The following COL19A1 variants were observed in gnomAD, a reference collection of about 807,000 sequenced individuals.
The protein encoded by COL19A1 is collagen alpha-1(XIX) chain.
COL19A1 carries 159 observed loss-of-function variants against 190.2 expected under a neutral mutation model. The ratio of observed to expected loss-of-function variants is 0.84; its 90% CI spans 0.73 to 0.95. The LOEUF is 0.95. COL19A1 is among the 40% of genes least tolerant of loss of function. COL19A1 has a pLI of 0.00. For missense variants in COL19A1, 1,418 were observed against 1,431.9 expected, an observed-to-expected ratio of 0.99 and a Z score of 0.16; for synonymous variants, 509 against 458.9, an observed-to-expected ratio of 1.11 and a Z score of -1.39.
chr6:70,121,027 G>T (rs956371337), intron 16 of COL19A1, among the ~76,000 whole-genome samples: 2 of 152,064 alleles, frequency 1.3e-5, no homozygotes, highest in Non-Finnish European at 2.9e-5. Context: ...TATCTTATAA[G>T]GTAACATGTT....
intron 34 of COL19A1, among the ~76,000 whole-genome samples, chr6:70,157,358 T>C (rs919090807): frequency 6.6e-6 from 1 of 152,136 alleles, no homozygotes; most frequent in Non-Finnish European, 1.5e-5. Flanking sequence ...CAGGACATCA[T>C]TTTTTTCTTA....
At chr6:70,068,074 A>G (rs567432570) in intron 14 of COL19A1, among the ~76,000 whole-genome samples, 6 of 152,162 alleles carry the variant, frequency 3.9e-5, no homozygotes, top group Middle Eastern at 3.4e-3. Flanking sequence ...TAGAGTTTAA[A>G]TGTATAAAGA....
intron 4 of COL19A1, among the ~76,000 whole-genome samples, chr6:69,920,562 A>G (rs1434275039): frequency 6.6e-6 from 1 of 152,138 alleles, no homozygotes. Context: ...TTCCCTTGAC[A>G]TGCCTGGAGC....
chr6:70,094,356 T>A (rs1224302029), intron 15 of COL19A1, among the ~76,000 whole-genome samples: 2 of 152,212 alleles, frequency 1.3e-5, no homozygotes, highest in Non-Finnish European at 2.9e-5. Flanking sequence ...TCCTAACATT[T>A]CCTTAATACC....
At chr6:70,126,865 A>G (rs542486409) in intron 17 of COL19A1, among the ~76,000 whole-genome samples, 2 of 152,344 alleles carry the variant, frequency 1.3e-5, no homozygotes, top group African/African-American at 2.4e-5. Context: ...ACTTCAAACT[A>G]TAGCAATAGT....
intron 16 of COL19A1, among the ~76,000 whole-genome samples, chr6:70,119,303 G>A (rs1784749810): frequency 1.3e-5 from 2 of 152,184 alleles, no homozygotes; most frequent in African/African-American, 4.8e-5. Flanking sequence ...GAACATAGAT[G>A]GGAGATACAA....
intron 46 of COL19A1, among the ~76,000 whole-genome samples, chr6:70,185,384 T>C (rs537939723): frequency 2.4e-3 from 362 of 152,228 alleles, no homozygotes; most frequent in Non-Finnish European, 4.2e-3. Flanking sequence ...CAACCAAAAG[T>C]GTCTCCAGAC....
chr6:69,920,896 A>C (rs999849848), intron 4 of COL19A1, among the ~76,000 whole-genome samples: 1 of 139,288 alleles, frequency 7.2e-6, no homozygotes, highest in Non-Finnish European at 1.6e-5. Context: ...ATTTCTAGTC[A>C]TATATATATA....
At chr6:70,136,443 C>T (rs990448433) in intron 18 of COL19A1, among the ~76,000 whole-genome samples, 4 of 152,084 alleles carry the variant, frequency 2.6e-5, no homozygotes, top group African/African-American at 9.7e-5. Context: ...TAGAATGCTA[C>T]TCATCTGTTA....
intron 4 of COL19A1, among the ~76,000 whole-genome samples, chr6:69,910,919 A>G (rs1770870578): frequency 6.6e-6 from 1 of 152,190 alleles, no homozygotes; most frequent in Admixed American, 6.5e-5. Context: ...GTGGTTGCAA[A>G]TGCGTTGATT....
chr6:70,150,064 T>C lies in COL19A1; in HGVS notation c.2037+19T>C. ...TGACCCGGTATGTAGACAAACCTTG[T>C]CTGATTTATGTATCTTAAATGCACC... is the stretch of plus-strand genomic sequence containing the variant. On this transcript the variant is annotated intron_variant, in intron 30 of 50. Transcript: ENST00000620364. 1 of 1,613,112 alleles carries C rather than the reference T, an allele frequency of 6.2e-7. No individual in the cohort carries two copies. Among genetic ancestry groups the C allele is most frequent in the Non-Finnish European group, 8.5e-7 (1 of 1,179,636 alleles).
Position 70,156,305 on chromosome 6 carries a change from C to T in COL19A1, c.2185-11C>T. 1 of 1,613,322 alleles carries T rather than the reference C, an allele frequency of 6.2e-7. No individual in the cohort carries two copies. The highest frequency in any genetic ancestry group is 2.2e-5 in the East Asian group (1 of 44,838). ...GCATCCTCTCAGTTCTGTTCTTCCT[C>T]TGTCTTCTAGGGTGATATAGGGCCA... is the stretch of plus-strand genomic sequence containing the variant. On this transcript the variant is annotated splice_polypyrimidine_tract_variant and intron_variant, in intron 32 of 50. Transcript: ENST00000620364.
intron 17 of COL19A1, among the ~76,000 whole-genome samples, chr6:70,126,261 T>A (rs1377689723): frequency 1.3e-5 from 2 of 152,164 alleles, no homozygotes; most frequent in East Asian, 1.9e-4. Flanking sequence ...AAAGCCTTTA[T>A]CCAAAATCCA....
intron 4 of COL19A1, among the ~76,000 whole-genome samples, chr6:69,919,974 A>T (rs535806455): frequency 6.6e-6 from 1 of 152,086 alleles, no homozygotes; most frequent in Non-Finnish European, 1.5e-5. Context: ...ATTCTCCCTC[A>T]TCTCTGTCCT....
chr6:70,096,019 A>AT (rs1783237383), intron 15 of COL19A1, among the ~76,000 whole-genome samples: 1 of 152,144 alleles, frequency 6.6e-6, no homozygotes, highest in Non-Finnish European at 1.5e-5. Context: ...ATCTTTTCTT[A>AT]AAACTGTTTC....
intron 15 of COL19A1, among the ~76,000 whole-genome samples, chr6:70,094,846 C>G (rs1383384196): frequency 6.6e-6 from 1 of 152,158 alleles, no homozygotes; most frequent in African/African-American, 2.4e-5. Context: ...CAAGTGGAAT[C>G]AAGCTTTAGA....
At chr6:70,185,837 C>G (rs1583117968) in intron 46 of COL19A1, among the ~76,000 whole-genome samples, 1 of 152,056 alleles carries the variant, frequency 6.6e-6, no homozygotes, top group East Asian at 1.9e-4. Flanking sequence ...TTTTATTTAT[C>G]ATTATACAAG....
intron 15 of COL19A1, among the ~76,000 whole-genome samples, chr6:70,070,015 C>G (rs1321701705): frequency 6.6e-6 from 1 of 152,102 alleles, no homozygotes; most frequent in Admixed American, 6.6e-5. Flanking sequence ...TAACACCAGC[C>G]TAGGCTACCA....
chr6:70,090,815 G>A (rs568156616), intron 15 of COL19A1, among the ~76,000 whole-genome samples: 3 of 152,124 alleles, frequency 2.0e-5, no homozygotes, highest in East Asian at 3.9e-4. Flanking sequence ...TAATCTACAA[G>A]GCCCAGCCTA....
Sources: gnomAD v4.1 joint callset for allele counts (sites outside exome capture counted in the v4.1 genomes callset) on GRCh38, gnomAD v4.1.1 for gene constraint, MANE v1.5 for transcripts, NCBI Gene and HGNC (gene_info 2026-07-23, HGNC 2026-07-21) for gene names.